The following SLC16A1 variants were observed in gnomAD, a reference collection of about 807,000 sequenced individuals.
The protein encoded by SLC16A1 is monocarboxylate transporter 1.
Under a neutral mutation model 32.2 loss-of-function variants are expected in SLC16A1, and 11 were observed. That is an observed-to-expected ratio of 0.34 (90% CI 0.21 to 0.56). The LOEUF (loss-of-function observed/expected upper bound fraction) is 0.56, where lower values mean the gene tolerates loss of function less well. Ranked by LOEUF, SLC16A1 falls within the 20% of genes least tolerant of loss-of-function variation. The probability of loss-of-function intolerance (pLI) is 0.87; values close to 1 mark genes in which losing one functional copy is unlikely to be tolerated. For missense variants in SLC16A1, 435 were observed against 615.0 expected (o/e 0.71, Z 3.10); for synonymous variants, 231 against 226.8 (o/e 1.02, Z -0.17).
At position 112,955,211 on chromosome 1, in the gene SLC16A1, A is replaced by T. The variant is rs959423727; in HGVS notation, c.-45+824T>A. 2.6e-5 allele frequency: 4 copies of T among 152,114 alleles called. No homozygotes were observed. In the East Asian group the frequency reaches 5.8e-4, roughly 22 times the overall value. The allele number at this position is 152,114 out of a possible 1,614,324, so 9.4% of individuals were successfully genotyped here. On this transcript the variant is annotated intron_variant, in intron 1 of 4. Transcript: ENST00000369626. ...ACTAGTTTTGGCAACTGCTTGTTCCATCAAATATGTCATGACAAAGTAATA... is the reference window on the plus strand; with the variant it reads ...ACTAGTTTTGGCAACTGCTTGTTCCTTCAAATATGTCATGACAAAGTAATA...
chr1:112,946,096 A>G (rs1407029585), intron 1 of SLC16A1, among the ~76,000 whole-genome samples: 5 of 152,230 alleles, frequency 3.3e-5, no homozygotes, highest in African/African-American at 1.2e-4. Context: ...AATTTAGGAT[A>G]TAATTTTAGA....
chr1:112,953,865 C>T (rs1313580737), intron 1 of SLC16A1, among the ~76,000 whole-genome samples: 1 of 152,148 alleles, frequency 6.6e-6, no homozygotes, highest in African/African-American at 2.4e-5. Context: ...CTTCTCACAC[C>T]TACACAATAC....
intron 1 of SLC16A1, among the ~76,000 whole-genome samples, chr1:112,952,012 T>C (rs1649914397): frequency 6.6e-6 from 1 of 152,152 alleles, no homozygotes; most frequent in Admixed American, 6.5e-5. Flanking sequence ...TAACCAAATA[T>C]ATGCCTCCTG....
intron 1 of SLC16A1, among the ~76,000 whole-genome samples, chr1:112,943,675 C>T (rs1570643053): frequency 6.6e-6 from 1 of 151,362 alleles, no homozygotes; most frequent in East Asian, 1.9e-4. Context: ...GTAATCCCAG[C>T]TTCTCAGGAG....
intron 1 of SLC16A1, among the ~76,000 whole-genome samples, chr1:112,949,149 A>C (rs1649804352): frequency 6.6e-6 from 1 of 152,018 alleles, no homozygotes. Context: ...TCTCAGGTTC[A>C]AGCGATTCTC....
rs750535439 is a variant in SLC16A1 at position 112,917,350 on chromosome 1, G to A, written c.1056C>T (p.Thr352=). Residue 352 remains threonine (T), a synonymous_variant, in exon 4 of 5, where the codon ACC becomes ACT. Transcript: ENST00000369626. The surrounding 1 kb of genome is among the most constrained non-coding windows in gnomAD (Gnocchi z 4.1). ...CCGCATAGACACAGAATCCAACATAGGTAGTGGATAAAGGTGCTAGCATAT... is the reference window on the plus strand; with the variant it reads ...CCGCATAGACACAGAATCCAACATAAGTAGTGGATAAAGGTGCTAGCATAT... The part of the protein sequence containing the change: ...VCHMLAPLST[T]YVGFCVYAGF... 5 of 1,614,038 alleles carry A rather than the reference G, an allele frequency of 3.1e-6. No individual in the cohort carries two copies. In the East Asian group the frequency reaches 1.1e-4, roughly 36 times the overall value.
intron 1 of SLC16A1, among the ~76,000 whole-genome samples, chr1:112,941,743 C>T (rs974487838): frequency 2.6e-5 from 4 of 152,162 alleles, no homozygotes; most frequent in Non-Finnish European, 5.9e-5. Context: ...TGTAACTGTC[C>T]TCATCTCTAC....
At chr1:112,944,994 C>CTTTTTTTTT (rs151186476) in intron 1 of SLC16A1, among the ~76,000 whole-genome samples, 3 of 123,306 alleles carry the variant, frequency 2.4e-5, no homozygotes, top group African/African-American at 3.2e-5. Flanking sequence ...CACCCAGCCT[C>CTTTTTTTTT]TTTTTTTTTT....
chr1:112,942,273 G>A (rs1287064993), intron 1 of SLC16A1, among the ~76,000 whole-genome samples: 1 of 152,182 alleles, frequency 6.6e-6, no homozygotes, highest in African/African-American at 2.4e-5. Flanking sequence ...TGCCAGGCCA[G>A]TATGACACTT....
chr1:112,925,934 A>G (rs1648925044), intron 2 of SLC16A1, among the ~76,000 whole-genome samples: 1 of 152,232 alleles, frequency 6.6e-6, no homozygotes, highest in Admixed American at 6.5e-5. Context: ...TAACATTAAA[A>G]GGATAGGCTG....
At position 112,914,106 on chromosome 1, in the gene SLC16A1, GGAC is replaced by G; in HGVS notation, c.1285_1287del (p.Val429del). 1.2e-6 allele frequency: 2 copies of G among 1,614,136 alleles called. No individual in the cohort carries two copies. Among genetic ancestry groups the G allele is most frequent in the Non-Finnish European group, 1.7e-6 (2 of 1,180,026 alleles). On this transcript the variant is annotated inframe_deletion, in exon 5 of 5. Coordinates refer to ENST00000369626, the MANE Select transcript of SLC16A1 (RefSeq NM_003051.4). ...AAGAGATAGATACCTGAAATAATTA[GGAC>G]GACGCCACATGCCCAGTATGTGTAT...
chr1:112,915,182 A>G (rs1460864491), intron 4 of SLC16A1, among the ~76,000 whole-genome samples: 1 of 152,240 alleles, frequency 6.6e-6, no homozygotes. Flanking sequence ...TCAGTGGACA[A>G]GAGATGTTAA....
At chr1:112,945,531 T>C (rs1041230778) in intron 1 of SLC16A1, among the ~76,000 whole-genome samples, 1 of 148,824 alleles carries the variant, frequency 6.7e-6, no homozygotes, top group Non-Finnish European at 1.5e-5. Context: ...GAAAATTAGC[T>C]GGGCATGGTG....
intron 2 of SLC16A1, chr1:112,923,542 C>A: frequency 8.5e-7 from 1 of 1,180,262 alleles, no homozygotes; most frequent in Non-Finnish European, 1.3e-6. Flanking sequence ...GACAGCCAGT[C>A]CAAGACCATC....
chr1:112,953,364 T>C (rs57878960), intron 1 of SLC16A1, among the ~76,000 whole-genome samples: 4,473 of 152,220 alleles, frequency 0.029, 216 homozygotes, highest in African/African-American at 0.1. Flanking sequence ...GGTTTCACCA[T>C]GTTGGCCAGG....
chr1:112,920,738 T>C (rs1648695176), intron 3 of SLC16A1, among the ~76,000 whole-genome samples: 1 of 152,120 alleles, frequency 6.6e-6, no homozygotes, highest in African/African-American at 2.4e-5. Flanking sequence ...CAGGATGACA[T>C]ACAAGATGGA....
At chr1:112,948,752 C>T (rs1649788135) in intron 1 of SLC16A1, among the ~76,000 whole-genome samples, 1 of 152,166 alleles carries the variant, frequency 6.6e-6, no homozygotes, top group Non-Finnish European at 1.5e-5. Flanking sequence ...TTCTGCCTGC[C>T]TGGGCCTCCC....
rs535823971 is a variant in SLC16A1 at position 112,920,375 on chromosome 1, C to T, written c.361+1615G>A. Among the ~76,000 whole-genome samples, 552 of 151,554 alleles carry T rather than the reference C, an allele frequency of 3.6e-3. 7 individuals carry two copies. Among genetic ancestry groups the T allele is most frequent in the African/African-American group, 0.012 (513 of 41,330 alleles). ...GTAATCCCAGCACTTTGGGAGGCAG[C>T]GGCAGGCGGACCATGAGGTCAGGAG... is the stretch of plus-strand genomic sequence containing the variant. On this transcript the variant is annotated intron_variant, in intron 3 of 4. Transcript: ENST00000369626.
intron 2 of SLC16A1, among the ~76,000 whole-genome samples, chr1:112,922,576 C>A (rs1347726110): frequency 2.0e-5 from 3 of 152,094 alleles, no homozygotes; most frequent in East Asian, 3.9e-4. Flanking sequence ...GAGTTCAAGA[C>A]CAGCCTGGCC....
Sources: gnomAD v4.1 joint callset for allele counts (sites outside exome capture counted in the v4.1 genomes callset) on GRCh38, gnomAD v4.1.1 for gene constraint, Gnocchi (gnomAD v3.1) non-coding constraint, MANE v1.5 for transcripts, NCBI Gene and HGNC (gene_info 2026-07-23, HGNC 2026-07-21) for gene names.